Variants in ODF2 observed in about 807,000 individuals in gnomAD.
The protein encoded by ODF2 is outer dense fiber protein 2.
Under a neutral mutation model 110.2 loss-of-function variants are expected in ODF2, and 47 were observed. The observed-to-expected ratio is 0.43, with a 90% confidence interval of 0.34 to 0.54. The LOEUF (loss-of-function observed/expected upper bound fraction) is 0.54. ODF2 is among the 20% of genes least tolerant of loss of function. The probability of loss-of-function intolerance (pLI) is 0.03; values close to 1 mark genes in which losing one functional copy is unlikely to be tolerated. For synonymous variants in ODF2, 352 were observed against 397.7 expected, an observed-to-expected ratio of 0.89 and a Z score of 1.37; for missense variants, 812 against 1,054.5, an observed-to-expected ratio of 0.77 and a Z score of 3.19.
chr9:128,478,026 G>A (rs1841681244), intron 8 of ODF2, among the ~76,000 whole-genome samples: 1 of 151,724 alleles, frequency 6.6e-6, no homozygotes, highest in African/African-American at 2.4e-5. Flanking sequence ...TTTTGATACA[G>A]AGTCTCACTC....
intron 8 of ODF2, among the ~76,000 whole-genome samples, chr9:128,477,787 C>T (rs533426660): frequency 2.6e-5 from 4 of 151,262 alleles, no homozygotes; most frequent in East Asian, 2.0e-4. Context: ...TTAGTTGAGA[C>T]GGGGTTTCAC....
At chr9:128,482,636 A>G (rs1466768696) in intron 9 of ODF2, among the ~76,000 whole-genome samples, 180 bp from the exon 10 acceptor site, 1 of 152,170 alleles carries the variant, frequency 6.6e-6, no homozygotes, top group East Asian at 1.9e-4. Flanking sequence ...ATACATGTTC[A>G]TTGTTTTAAA....
chr9:128,469,384 T>C, intron 5 of ODF2, 31 bp downstream of exon 5: 3 of 1,609,336 alleles, frequency 1.9e-6, no homozygotes, highest in Non-Finnish European at 2.6e-6. Flanking sequence ...GGATAGCTAC[T>C]ACCCTGAGGA....
intron 1 of ODF2, chr9:128,456,718 C>T (rs1262030734): frequency 7.3e-6 from 10 of 1,366,006 alleles, no homozygotes; most frequent in African/African-American, 1.5e-5. Context: ...CAGCGCTGTC[C>T]CCCGGGCACC....
intron 4 of ODF2, among the ~76,000 whole-genome samples, chr9:128,468,395 C>T (rs948845491): frequency 1.3e-4 from 20 of 152,116 alleles, no homozygotes; most frequent in African/African-American, 4.1e-4. Flanking sequence ...GACAGGGTTT[C>T]GCTCTGTCAC....
intron 16 of ODF2, among the ~76,000 whole-genome samples, chr9:128,493,150 T>G (rs1296264599): frequency 6.6e-6 from 1 of 152,046 alleles, no homozygotes; most frequent in Non-Finnish European, 1.5e-5. Flanking sequence ...TTTGGGAGAC[T>G]GAGGCAGGCA....
intron 17 of ODF2, among the ~76,000 whole-genome samples, chr9:128,495,394 A>G (rs1845409403): frequency 1.3e-5 from 2 of 152,216 alleles, no homozygotes; most frequent in Non-Finnish European, 2.9e-5. Flanking sequence ...ATTCCCCACC[A>G]TCACAGAGCT....
At chr9:128,482,960 A>G (rs1165404771) in intron 10 of ODF2, 73 bp downstream of exon 10, 2 of 1,181,102 alleles carry the variant, frequency 1.7e-6, no homozygotes, top group Non-Finnish European at 2.4e-6. Context: ...CAATGGCGCG[A>G]TCTCAGCTCG....
chr9:128,484,937 T>TG, intron 12 of ODF2, 51 bp downstream of exon 12: 1 of 1,582,714 alleles, frequency 6.3e-7, no homozygotes, highest in Non-Finnish European at 8.6e-7. Flanking sequence ...GAGGGCTGGG[T>TG]GATGGCAGAG....
chr9:128,497,441 AAAAAAATATATATAT>A (rs1238521099), intron 18 of ODF2: 1 of 90,854 alleles, frequency 1.1e-5, no homozygotes, highest in African/African-American at 6.4e-5. Flanking sequence ...AAAAAAAAAA[AAAAAAATATATATAT>A]ATATATATAT....
At chr9:128,487,066 C>G (rs1255318109) in intron 13 of ODF2, among the ~76,000 whole-genome samples, 1 of 152,048 alleles carries the variant, frequency 6.6e-6, no homozygotes, top group Non-Finnish European at 1.5e-5. Context: ...GGGTACACAT[C>G]CCTCTCTCTC....
At chr9:128,482,458 A>G (rs1485528916) in intron 9 of ODF2, among the ~76,000 whole-genome samples, 1 of 152,200 alleles carries the variant, frequency 6.6e-6, no homozygotes, top group East Asian at 1.9e-4. Context: ...CTATGGAACG[A>G]AGTAGGCATA....
chr9:128,471,516 G>A, intron 6 of ODF2, 48 bp downstream of exon 6: 2 of 1,591,118 alleles, frequency 1.3e-6, no homozygotes, highest in Non-Finnish European at 1.7e-6. Context: ...CTCCCTACCA[G>A]GCTGCCTTGA....
chr9:128,496,018 A>G, intron 17 of ODF2, 23 bp from the exon 18 acceptor site: 1 of 1,613,262 alleles, frequency 6.2e-7, no homozygotes, highest in Middle Eastern at 1.7e-4. Flanking sequence ...TTTGTAAACC[A>G]GTCTGTGTTC....
intron 4 of ODF2, among the ~76,000 whole-genome samples, chr9:128,468,566 A>G (rs1347727110): frequency 1.3e-5 from 2 of 151,976 alleles, no homozygotes; most frequent in Non-Finnish European, 2.9e-5. Context: ...TCTGTTGCCC[A>G]GGCTGGAGTG....
intron 1 of ODF2, chr9:128,457,119 G>C (rs12683827): frequency 0.23 from 317,555 of 1,400,042 alleles, 40,890 homozygotes; most frequent in East Asian, 0.46. Flanking sequence ...TTTCCCTCGC[G>C]GTTCTGCCCC....
chr9:128,500,399 G>C (rs962393244), exon 21 of ODF2: 2 of 727,764 alleles, frequency 2.7e-6, no homozygotes, highest in African/African-American at 3.5e-5. Context: ...CTCTAGAAAA[G>C]TCCCAAAAGC....
At chr9:128,483,520 C>T (rs1477485852) in intron 10 of ODF2, among the ~76,000 whole-genome samples, 1 of 151,246 alleles carries the variant, frequency 6.6e-6, no homozygotes, top group Non-Finnish European at 1.5e-5. Flanking sequence ...GAGACTGAGG[C>T]TGCAATGAGT....
chr9:128,477,554 T>TTA (rs773172332), intron 8 of ODF2, among the ~76,000 whole-genome samples: 41 of 151,332 alleles, frequency 2.7e-4, no homozygotes, highest in South Asian at 2.1e-3. Context: ...CCCCAAAAAA[T>TTA]TATATATATA....
Sources: gnomAD v4.1 joint callset for allele counts (sites outside exome capture counted in the v4.1 genomes callset) on GRCh38, gnomAD v4.1.1 for gene constraint, MANE v1.5 for transcripts, NCBI Gene and HGNC (gene_info 2026-07-23, HGNC 2026-07-21) for gene names.